Variants in CMIP observed in about 807,000 individuals in gnomAD.
CMIP encodes c-Maf inducing protein.
In CMIP, 13 loss-of-function variants were observed where a neutral mutation model predicts 97.3. The observed-to-expected ratio is 0.13, with a 90% CI of 0.09 to 0.21. The LOEUF is 0.21. Ranked by LOEUF, CMIP falls within the 10% of genes least tolerant of loss-of-function variation. The probability of loss-of-function intolerance (pLI) is 1.00; values close to 1 mark genes in which losing one functional copy is unlikely to be tolerated. For missense variants in CMIP, 847 were observed against 1,024.9 expected (o/e 0.83, Z 2.37); for synonymous variants, 538 against 436.3 (o/e 1.23, Z -2.91).
intron 3 of CMIP, among the ~76,000 whole-genome samples, chr16:81,639,659 C>T (rs1188798119): frequency 6.6e-6 from 1 of 152,192 alleles, no homozygotes; most frequent in Non-Finnish European, 1.5e-5. Context: ...ATTGGTGGAC[C>T]TGGGTTGCTT....
chr16:81,699,838 G>C, intron 15 of CMIP, 37 bp downstream of exon 15: 2 of 1,406,062 alleles, frequency 1.4e-6, no homozygotes, highest in Non-Finnish European at 2.0e-6. Context: ...GGGGTGGCTG[G>C]CTCCCCGTCC....
intron 1 of CMIP, among the ~76,000 whole-genome samples, chr16:81,561,639 G>T (rs894578253): frequency 6.6e-6 from 1 of 152,212 alleles, no homozygotes; most frequent in Non-Finnish European, 1.5e-5. Flanking sequence ...TTTCTGCGGA[G>T]TGGAGAGCTT....
chr16:81,691,437 G>A (rs1415546708), intron 10 of CMIP, among the ~76,000 whole-genome samples: 5 of 152,166 alleles, frequency 3.3e-5, no homozygotes, highest in African/African-American at 9.7e-5. Context: ...TGAATGGGGG[G>A]CAAAGTTCAG....
chr16:81,550,971 C>T (rs1382999119), intron 1 of CMIP, among the ~76,000 whole-genome samples: 1 of 144,326 alleles, frequency 6.9e-6, no homozygotes, highest in Non-Finnish European at 1.5e-5. Flanking sequence ...CCGTCACACG[C>T]ACCCCAGTCC....
intron 1 of CMIP, among the ~76,000 whole-genome samples, chr16:81,459,763 C>T (rs1906792015): frequency 6.6e-6 from 1 of 152,204 alleles, no homozygotes; most frequent in Non-Finnish European, 1.5e-5. Flanking sequence ...CAGGCCCTGC[C>T]TTTGATCCCC....
rs539032344 is a variant in CMIP at position 81,470,988 on chromosome 16, A to G, written c.300+25447A>G. Among the ~76,000 whole-genome samples the G allele has an allele frequency of 3.1e-3, 474 of 152,068 alleles. 2 individuals carry two copies. Among genetic ancestry groups the G allele is most frequent in the Non-Finnish European group, 3.4e-3 (229 of 67,958 alleles). On this transcript the variant is annotated intron_variant, in intron 1 of 20. Transcript: ENST00000537098. ...CACATGCACACAGGCACAAACGTGC[A>G]TACACACATGCACACAGGCACACAT...
intron 11 of CMIP, among the ~76,000 whole-genome samples, chr16:81,692,737 C>T (rs1906239572): frequency 1.3e-5 from 2 of 152,206 alleles, no homozygotes; most frequent in Admixed American, 6.5e-5. Flanking sequence ...CCTGGGCGCT[C>T]TTGGCTGTGG....
At chr16:81,606,292 C>G (rs1388384543) in intron 1 of CMIP, among the ~76,000 whole-genome samples, 1 of 152,194 alleles carries the variant, frequency 6.6e-6, no homozygotes, top group African/African-American at 2.4e-5. Flanking sequence ...ACCTTGATAC[C>G]TGTTCCACAA....
intron 1 of CMIP, among the ~76,000 whole-genome samples, chr16:81,460,284 C>T (rs779231729): frequency 2.4e-4 from 36 of 152,208 alleles, no homozygotes; most frequent in Middle Eastern, 6.8e-3. Flanking sequence ...GGTGAGTGGG[C>T]TATTTATTCC....
intron 1 of CMIP, among the ~76,000 whole-genome samples, chr16:81,448,132 C>G (rs1431240748): frequency 6.6e-6 from 1 of 152,186 alleles, no homozygotes; most frequent in African/African-American, 2.4e-5. Flanking sequence ...CCCTGAGCTC[C>G]CGATATTCCA....
chr16:81,585,845 G>C (rs2091373199), intron 1 of CMIP, among the ~76,000 whole-genome samples: 1 of 152,170 alleles, frequency 6.6e-6, no homozygotes. Flanking sequence ...GCTGTGAGCA[G>C]AGTTAGTGGC....
At position 81,607,678 on chromosome 16, in the gene CMIP, A is replaced by T; in HGVS notation, c.412A>T (p.Thr138Ser). 6.2e-7 allele frequency: 1 copy of T among 1,613,974 alleles called. No homozygotes were observed. Among genetic ancestry groups the T allele is most frequent in the Non-Finnish European group, 8.5e-7 (1 of 1,179,830 alleles). Reference protein sequence around the residue: ...YCLQLTIPGGTVLLQAANSYL... With the variant: ...YCLQLTIPGGSVLLQAANSYL... ...TTTACAGCTCACGATTCCTGGGGGA[A>T]CTGTCTTACTGCAGGTAGGAGAAAT... The change falls in exon 2 of 21, where the codon ACT (threonine) becomes TCT (serine). Residue 138 changes from threonine to serine, a missense_variant. Around this residue, in one of 4 missense-constraint regions of CMIP, gnomAD observed 285 missense variants for 392.2 expected, o/e 0.73. Transcript: ENST00000537098.
rs541575839 is a variant in CMIP at position 81,594,843 on chromosome 16, A to C, written c.301-12724A>C. ...GACGGGGTTTTAGCATGTTAGCCAG[A>C]ATGGTCTCAATCTCCTGACCTCATG... On this transcript the variant is annotated intron_variant, in intron 1 of 20. Coordinates refer to ENST00000537098, the MANE Select transcript of CMIP (RefSeq NM_198390.3). 2.1e-5 allele frequency among the ~76,000 whole-genome samples: 3 copies of C among 144,930 alleles called. No individual in the cohort carries two copies. The East Asian group carries it at 6.2e-4, about 30-fold the overall frequency.
intron 11 of CMIP, among the ~76,000 whole-genome samples, chr16:81,692,571 T>A (rs1022248126): frequency 2.0e-5 from 3 of 152,206 alleles, no homozygotes; most frequent in African/African-American, 7.2e-5. Flanking sequence ...ATGCTGCCTC[T>A]GTAAGGGCAC....
chr16:81,465,878 G>C (rs1008618997), intron 1 of CMIP, among the ~76,000 whole-genome samples: 2 of 152,220 alleles, frequency 1.3e-5, no homozygotes, highest in Non-Finnish European at 2.9e-5. Flanking sequence ...GCTGAGGGCT[G>C]GGCTGTGGGG....
chr16:81,482,437 C>T (rs534465408), intron 1 of CMIP, among the ~76,000 whole-genome samples: 48 of 152,214 alleles, frequency 3.2e-4, no homozygotes, highest in African/African-American at 1.0e-3. Flanking sequence ...TGCTGGGCGC[C>T]TAAGTACCTG....
intron 1 of CMIP, among the ~76,000 whole-genome samples, chr16:81,584,554 G>C (rs1225166608): frequency 6.6e-6 from 1 of 152,206 alleles, no homozygotes; most frequent in Non-Finnish European, 1.5e-5. Flanking sequence ...AGTAGTCTGT[G>C]AGAATGGCTG....
chr16:81,555,779 G>A lies in CMIP; in HGVS notation c.301-51788G>A, dbSNP rs2090750566. Among the ~76,000 whole-genome samples, 5 of 152,078 alleles carry A rather than the reference G, an allele frequency of 3.3e-5. No homozygotes were observed. The South Asian group carries it at 1.0e-3, about 32-fold the overall frequency. ...CTCCAGCATAGATGAAACCCCTCCG[G>A]GCTGGTTATTGCCATTGGAGTGTGT... On this transcript the variant is annotated intron_variant, in intron 1 of 20. Transcript: ENST00000537098.
At chr16:81,638,001 A>AC (rs1567625797) in intron 3 of CMIP, among the ~76,000 whole-genome samples, 1 of 150,864 alleles carries the variant, frequency 6.6e-6, no homozygotes, top group African/African-American at 2.4e-5. Flanking sequence ...TGAACTAATC[A>AC]CCCCCACGAG....
Sources: allele counts gnomAD v4.1 joint callset (sites outside exome capture counted in the v4.1 genomes callset), GRCh38; gene constraint gnomAD v4.1.1; regional missense constraint gnomAD v4.1.1; transcripts MANE v1.5; gene names NCBI Gene and HGNC (gene_info 2026-07-23, HGNC 2026-07-21).